BRSK1: variants seen among roughly 807,000 people sequenced by gnomAD.
BRSK1 encodes the protein BR serine/threonine kinase 1.
In BRSK1, 17 loss-of-function variants were observed where a neutral mutation model predicts 86.2. The ratio of observed to expected loss-of-function variants is 0.20; its 90% confidence interval spans 0.14 to 0.30. BRSK1 has a LOEUF of 0.30. Among genes scored for constraint, BRSK1 ranks in the 10% least tolerant of loss-of-function variants. The probability of loss-of-function intolerance (pLI) is 1.00; values close to 1 mark genes in which losing one functional copy is unlikely to be tolerated. For synonymous variants in BRSK1, 464 were observed against 440.1 expected (o/e 1.05, Z -0.68); for missense variants, 719 against 1,071.9 (o/e 0.67, Z 4.60).
intron 14 of BRSK1, 70 bp from the exon 15 acceptor site, chr19:55,305,251 G>A: frequency 6.3e-7 from 1 of 1,583,454 alleles, no homozygotes; most frequent in Non-Finnish European, 8.6e-7. Context: ...GGGGGCGAGT[G>A]CAGGCCTGTG....
In BRSK1 at chr19:55,306,326, C is replaced by T. The variant is rs200320831; in HGVS notation, c.1965C>T (p.Ser655=). 1.9e-4 allele frequency: 302 copies of T among 1,614,020 alleles called. No homozygotes were observed. Among genetic ancestry groups the T allele is most frequent in the Middle Eastern group, 1.5e-3 (9 of 6,084 alleles). ...AGTACAAGGCCAGTGGCGGCCCCTC[C>T]GTCTTCCAAAAGCCCGTCCGCTTCC... is the stretch of plus-strand genomic sequence containing the variant. ...RAEYKASGGP[S]VFQKPVRFQV... Residue 655 remains serine (S), a synonymous_variant, in exon 17 of 19, where the codon TCC becomes TCT. Transcript: ENST00000309383. The surrounding 1 kb of genome is among the most constrained non-coding windows in gnomAD (Gnocchi z 4.7).
At position 55,303,499 on chromosome 19, in the gene BRSK1, G is replaced by A. The variant is rs1197065236; in HGVS notation, c.1126+91G>A. On this transcript the variant is annotated intron_variant, in intron 11 of 18. Coordinates refer to ENST00000309383, the MANE Select transcript of BRSK1 (RefSeq NM_032430.2). This position sits in a 1 kb window ranked among gnomAD's most constrained non-coding sequence, Gnocchi z 5.1. ...ACCCCAGATTCCCAAGGAAAGAAGG[G>A]GCTGCAGGCTCTGAGCTTCCAGCTT... The A allele has an allele frequency of 6.7e-7, 1 of 1,492,828 alleles. No individual in the cohort carries two copies. Among genetic ancestry groups the A allele is most frequent in the Non-Finnish European group, 9.3e-7 (1 of 1,075,332 alleles). 92.5% of individuals were successfully genotyped at this position (1,492,828 alleles called of 1,614,324 possible). A position where few individuals can be genotyped will look rare whatever the true frequency, so the allele number is the denominator to read the frequency against.
chr19:55,301,979 T>G, intron 8 of BRSK1, 158 bp from the exon 9 acceptor site: 1 of 946,336 alleles, frequency 1.1e-6, no homozygotes, highest in Non-Finnish European at 1.7e-6. Flanking sequence ...GGCGATGCAC[T>G]CAGTCGCCAC....
intron 7 of BRSK1, among the ~76,000 whole-genome samples, chr19:55,296,791 T>C (rs1391035048): frequency 6.6e-6 from 1 of 151,676 alleles, no homozygotes; most frequent in Non-Finnish European, 1.5e-5. Context: ...GAGCTTGCAG[T>C]GAGCCGAGAT....
At chr19:55,293,985 GA>G in intron 4 of BRSK1, 31 bp from the exon 5 acceptor site, 1 of 1,578,574 alleles carries the variant, frequency 6.3e-7, no homozygotes, top group Non-Finnish European at 8.7e-7. Context: ...TGGGAGGAAG[GA>G]AGAGGCCTGA....
chr19:55,288,663 A>G (rs2088359506), intron 3 of BRSK1, among the ~76,000 whole-genome samples: 1 of 151,754 alleles, frequency 6.6e-6, no homozygotes, highest in Admixed American at 6.6e-5. Context: ...TCGGCTCACC[A>G]CAACCTCCAC....
Position 55,304,605 on chromosome 19 carries a change from G to A in BRSK1, c.1402G>A (p.Gly468Arg). The change falls in exon 14 of 19, where the codon GGG (glycine) becomes AGG (arginine). Residue 468 changes from glycine to arginine, a missense_variant. Gly to Arg is a moderately radical substitution (Grantham distance 125). Transcript: ENST00000309383. This position sits in a 1 kb window ranked among gnomAD's most constrained non-coding sequence, Gnocchi z 5.2. Reference protein sequence around the residue: ...EPGAGDEARGGGSPTSKTQTL... With the variant: ...EPGAGDEARGRGSPTSKTQTL... ...GGGGGCTGGAGATGAGGCTCGAGGCGGGGGCTCCCCGACTTCCAAAACGCA... is the reference window on the plus strand; with the variant it reads ...GGGGGCTGGAGATGAGGCTCGAGGCAGGGGCTCCCCGACTTCCAAAACGCA... The A allele has an allele frequency of 1.3e-6, 2 of 1,575,242 alleles. No homozygotes were observed. Among genetic ancestry groups the A allele is most frequent in the Admixed American group, 1.8e-5 (1 of 54,166 alleles).
chr19:55,284,017 C>G lies in BRSK1; in HGVS notation c.-426C>G. ...TCCCCGGATGGTGATGTCAGCGTGC[C>G]GGAGAGAAAGGACGAGGTGGCGGGG... On this transcript the variant is annotated 5_prime_UTR_variant, in exon 1 of 19. Coordinates refer to ENST00000309383, the MANE Select transcript of BRSK1 (RefSeq NM_032430.2). 3 of 1,230,492 alleles carry G rather than the reference C, an allele frequency of 2.4e-6. No individual in the cohort carries two copies. The highest frequency in any genetic ancestry group is 3.0e-6 in the Non-Finnish European group (3 of 987,902). The allele number at this position is 1,230,492 out of a possible 1,614,324, so 76.2% of individuals were successfully genotyped here.
rs981376567 is a variant in BRSK1, at chr19:55,292,091, A to G, written c.459-1926A>G. On this transcript the variant is annotated intron_variant, in intron 4 of 18. Transcript: ENST00000309383. ...AAATTTTCCACACCTTCCTGTTGAC[A>G]AGATTGTCAAAACCCTGATATTGAA... Among the ~76,000 whole-genome samples the G allele has an allele frequency of 1.5e-3, 221 of 152,242 alleles. 3 individuals carry two copies. Among genetic ancestry groups the G allele is most frequent in the Non-Finnish European group, 2.6e-4 (18 of 68,014 alleles).
At chr19:55,291,363 A>AT (rs34055741) in intron 4 of BRSK1, among the ~76,000 whole-genome samples, 3 of 151,990 alleles carry the variant, frequency 2.0e-5, no homozygotes, top group South Asian at 2.1e-4. Context: ...ACAAAGTGAG[A>AT]TTCCCCCCAT....
At chr19:55,295,016 G>A (rs1484333609) in intron 7 of BRSK1, among the ~76,000 whole-genome samples, 2 of 152,154 alleles carry the variant, frequency 1.3e-5, no homozygotes, top group African/African-American at 2.4e-5. Flanking sequence ...TGGCCAGGTT[G>A]GTTTCGAACT....
rs1451636136 is a variant in BRSK1 at position 55,287,809 on chromosome 19, G to T, written c.317+510G>T. Among the ~76,000 whole-genome samples, 1 of 152,186 alleles carries T rather than the reference G, an allele frequency of 6.6e-6. No individual in the cohort carries two copies. Among genetic ancestry groups the T allele is most frequent in the African/African-American group, 2.4e-5 (1 of 41,444 alleles). ...GTCACTATCTCAAAGTCAATCACCCGCCAGGAAGGATGGGGGTGGGGGTCC... is the reference window on the plus strand; with the variant it reads ...GTCACTATCTCAAAGTCAATCACCCTCCAGGAAGGATGGGGGTGGGGGTCC... On this transcript the variant is annotated intron_variant, in intron 3 of 18. Transcript: ENST00000309383. The surrounding 1 kb of genome is among the most constrained non-coding windows in gnomAD (Gnocchi z 5.3).
intron 18 of BRSK1, among the ~76,000 whole-genome samples, chr19:55,311,498 C>A (rs918161728): frequency 2.6e-5 from 4 of 152,212 alleles, no homozygotes; most frequent in African/African-American, 9.7e-5. Context: ...TTCCATGGAA[C>A]ATTTCTCCCT....
Position 55,306,196 on chromosome 19 carries a change from G to A in BRSK1, c.1891-56G>A, listed in dbSNP as rs574312247. On this transcript the variant is annotated intron_variant, in intron 16 of 18. Transcript: ENST00000309383. The surrounding 1 kb of genome is among the most constrained non-coding windows in gnomAD (Gnocchi z 4.7). ...TAGTTCCTTGGCCAGAGCTGGTCGT[G>A]GGGCTGGGTATCCATTTCCTGGGCT... is the stretch of plus-strand genomic sequence containing the variant. 16 of 1,579,996 alleles carry A rather than the reference G, an allele frequency of 1.0e-5. No individual in the cohort carries two copies. In the Admixed American group the frequency reaches 2.4e-4, roughly 23 times the overall value.
In BRSK1 at chr19:55,302,363, C is replaced by A. The variant is rs1191918725; in HGVS notation, c.857+195C>A. ...GGGGTCAGAGGCAGGAGGGGCTAAG[C>A]TAGGAGTCCAGGACTCCCAGGTTTG... On this transcript the variant is annotated intron_variant, in intron 9 of 18. Coordinates refer to ENST00000309383, the MANE Select transcript of BRSK1 (RefSeq NM_032430.2). This position sits in a 1 kb window ranked among gnomAD's most constrained non-coding sequence, Gnocchi z 6.3. 2.4e-5 allele frequency: 16 copies of A among 680,138 alleles called. No homozygotes were observed. Among genetic ancestry groups the A allele is most frequent in the Admixed American group, 5.1e-5 (2 of 39,500 alleles). 42.1% of individuals were successfully genotyped at this position (680,138 alleles called of 1,614,324 possible).
intron 18 of BRSK1, among the ~76,000 whole-genome samples, chr19:55,309,645 C>G (rs1258732427): frequency 1.3e-5 from 2 of 152,146 alleles, no homozygotes; most frequent in African/African-American, 4.8e-5. Flanking sequence ...CATGAAGGCC[C>G]CACCCTCATG....
Position 55,302,956 on chromosome 19 carries a change from C to A in BRSK1, c.1028+89C>A, listed in dbSNP as rs1899702025. 1 of 1,499,592 alleles carries A rather than the reference C, an allele frequency of 6.7e-7. No individual in the cohort carries two copies. The highest frequency in any genetic ancestry group is 9.0e-7 in the Non-Finnish European group (1 of 1,114,982). The allele number at this position is 1,499,592 out of a possible 1,614,324, so 92.9% of individuals were successfully genotyped here. On this transcript the variant is annotated intron_variant, in intron 10 of 18. Coordinates refer to ENST00000309383, the MANE Select transcript of BRSK1 (RefSeq NM_032430.2). This position sits in a 1 kb window ranked among gnomAD's most constrained non-coding sequence, Gnocchi z 6.3. ...CACATGCAGAGTGCTGGGCGAGGAA[C>A]CCTGGCCTCTCATGGGGCATGGTTT...
At position 55,302,608 on chromosome 19, in the gene BRSK1, G is replaced by T; in HGVS notation, c.858-89G>T. The T allele has an allele frequency of 6.7e-7, 1 of 1,498,532 alleles. No individual in the cohort carries two copies. Among genetic ancestry groups the T allele is most frequent in the East Asian group, 2.3e-5 (1 of 43,838 alleles). The allele number at this position is 1,498,532 out of a possible 1,614,324, so 92.8% of individuals were successfully genotyped here. ...GAGAAGGGGCCGGGGCCTAGACTCG[G>T]ATTTCGGGGTCCGGGATCATTGAGT... On this transcript the variant is annotated intron_variant, in intron 9 of 18. Transcript: ENST00000309383. The surrounding 1 kb of genome is among the most constrained non-coding windows in gnomAD (Gnocchi z 6.3).
At position 55,306,569 on chromosome 19, in the gene BRSK1, G is replaced by A. The variant is rs1025970334; in HGVS notation, c.2089+119G>A. The A allele has an allele frequency of 1.6e-5, 19 of 1,192,312 alleles. No homozygotes were observed. The highest frequency in any genetic ancestry group is 3.0e-5 in the African/African-American group (2 of 65,968). 73.9% of individuals were successfully genotyped at this position (1,192,312 alleles called of 1,614,324 possible). A position where few individuals can be genotyped will look rare whatever the true frequency, so the allele number is the denominator to read the frequency against. On this transcript the variant is annotated intron_variant, in intron 17 of 18. Coordinates refer to ENST00000309383, the MANE Select transcript of BRSK1 (RefSeq NM_032430.2). This position sits in a 1 kb window ranked among gnomAD's most constrained non-coding sequence, Gnocchi z 4.7. ...GAGGAAATGGTGTTCAGCTGGTGCC[G>A]ACTCTCTGTGCTCCTCCTGCCCACA...
Sources: allele counts gnomAD v4.1 joint callset (sites outside exome capture counted in the v4.1 genomes callset), GRCh38; gene constraint gnomAD v4.1.1; non-coding constraint Gnocchi (gnomAD v3.1); transcripts MANE v1.5; gene names NCBI Gene and HGNC (gene_info 2026-07-23, HGNC 2026-07-21).